The following OLA1 variants were observed in gnomAD, a reference collection of about 807,000 sequenced individuals.
OLA1 encodes the protein Obg like ATPase 1, also known as obg-like ATPase 1.
A neutral mutation model predicts 48.4 loss-of-function variants in OLA1; 14 were observed. The ratio of observed to expected loss-of-function variants is 0.29; its 90% CI spans 0.19 to 0.45. The LOEUF is 0.45. OLA1 is among the 20% of genes least tolerant of loss of function. The pLI is 1.00. For missense variants in OLA1, 325 were observed against 467.1 expected, an observed-to-expected ratio of 0.70 and a Z score of 2.80; for synonymous variants, 127 against 150.4, an observed-to-expected ratio of 0.84 and a Z score of 1.14.
chr2:174,143,102 A>T (rs898256554), intron 4 of OLA1, among the ~76,000 whole-genome samples: 5 of 152,194 alleles, frequency 3.3e-5, no homozygotes, highest in African/African-American at 1.2e-4. Flanking sequence ...TTTTAAATAT[A>T]ATTTCCCAGA....
At chr2:174,105,300 T>C (rs771754214) in intron 7 of OLA1, among the ~76,000 whole-genome samples, 1 of 152,010 alleles carries the variant, frequency 6.6e-6, no homozygotes, top group Non-Finnish European at 1.5e-5. Flanking sequence ...AATCTGGTGA[T>C]GTAAAAACAG....
Position 174,126,255 on chromosome 2 carries a change from T to C in OLA1, c.550-2580A>G, listed in dbSNP as rs1003991736. ...TTGGTTGATTGAATTTATTTCCTTA[T>C]GTTCATATATATAAATACATATATA... On this transcript the variant is annotated intron_variant, in intron 5 of 10. Transcript: ENST00000284719. 2.0e-5 allele frequency among the ~76,000 whole-genome samples: 3 copies of C among 152,220 alleles called. No homozygotes were observed. The East Asian group carries it at 5.8e-4, about 29-fold the overall frequency.
At chr2:174,150,752 A>G (rs1686725955) in intron 4 of OLA1, among the ~76,000 whole-genome samples, 1 of 152,224 alleles carries the variant, frequency 6.6e-6, no homozygotes, top group Non-Finnish European at 1.5e-5. Context: ...ATTAAAATCA[A>G]AAGTCAAAAT....
At chr2:174,242,326 C>T (rs1018285343) in intron 2 of OLA1, among the ~76,000 whole-genome samples, 1 of 152,238 alleles carries the variant, frequency 6.6e-6, no homozygotes, top group African/African-American at 2.4e-5. Flanking sequence ...CTCTTGCATG[C>T]GCAGTTCACA....
intron 7 of OLA1, among the ~76,000 whole-genome samples, chr2:174,102,162 A>G (rs982925427): frequency 2.6e-5 from 4 of 152,140 alleles, no homozygotes; most frequent in Non-Finnish European, 5.9e-5. Flanking sequence ...AGCAACATCA[A>G]TATCACCTGG....
chr2:174,102,129 T>C (rs1574482167), intron 7 of OLA1, among the ~76,000 whole-genome samples: 1 of 152,072 alleles, frequency 6.6e-6, no homozygotes, highest in Non-Finnish European at 1.5e-5. Context: ...GAGCAATCCT[T>C]CTCAAAGTAT....
At chr2:174,206,987 G>C (rs1688128723) in intron 4 of OLA1, among the ~76,000 whole-genome samples, 3 of 152,086 alleles carry the variant, frequency 2.0e-5, no homozygotes, top group Admixed American at 6.6e-5. Context: ...TTTGTGTCTA[G>C]GCAAAAATGT....
At chr2:174,175,245 C>A (rs1260828296) in intron 4 of OLA1, among the ~76,000 whole-genome samples, 4 of 148,420 alleles carry the variant, frequency 2.7e-5, no homozygotes, top group Non-Finnish European at 6.0e-5. Flanking sequence ...AGAAAATCAA[C>A]TGATAAAATG....
intron 4 of OLA1, among the ~76,000 whole-genome samples, chr2:174,198,163 A>G (rs1354240718): frequency 7.9e-5 from 12 of 151,974 alleles, no homozygotes. Context: ...GGGCTTCACC[A>G]TGTTGGCCAG....
intron 7 of OLA1, among the ~76,000 whole-genome samples, chr2:174,096,726 T>C (rs1386832024): frequency 1.3e-5 from 2 of 152,204 alleles, no homozygotes; most frequent in Non-Finnish European, 2.9e-5. Flanking sequence ...TTAAAATCCC[T>C]TGAATATAGG....
chr2:174,074,185 G>A lies in OLA1; in HGVS notation c.*1241C>T, dbSNP rs1684671016. The A allele has an allele frequency of 6.6e-6, 1 of 152,206 alleles. No homozygotes were observed. Among genetic ancestry groups the A allele is most frequent in the Non-Finnish European group, 1.5e-5 (1 of 68,058 alleles). The allele number at this position is 152,206 out of a possible 1,614,324, so 9.4% of individuals were successfully genotyped here. A position where few individuals can be genotyped will look rare whatever the true frequency, so the allele number is the denominator to read the frequency against. Reference sequence around the variant, plus strand: ...CCCAAAGCGATACAGTAGAGGCAAAGGCTGGCTGGGTATGAATCTGCATTC... The same window carrying A: ...CCCAAAGCGATACAGTAGAGGCAAAAGCTGGCTGGGTATGAATCTGCATTC... On this transcript the variant is annotated 3_prime_UTR_variant, in exon 11 of 11. Transcript: ENST00000284719.
At chr2:174,234,132 C>T (rs1688795400) in intron 2 of OLA1, among the ~76,000 whole-genome samples, 2 of 152,134 alleles carry the variant, frequency 1.3e-5, no homozygotes, top group Admixed American at 1.3e-4. Flanking sequence ...TCCTTCTCCT[C>T]CTCAACCCAC....
chr2:174,166,331 CAGTTTCTTAGACAGATTG>C (rs141590422), intron 4 of OLA1, among the ~76,000 whole-genome samples: 20,093 of 152,060 alleles, frequency 0.13, 1,788 homozygotes, highest in Non-Finnish European at 0.2. Context: ...CTCTGAGAAG[CAGTTTCTTAGACAGATTG>C]AGTTTCTTAG....
In OLA1 at chr2:174,074,027, C is replaced by T. The variant is rs1457840760; in HGVS notation, c.*1399G>A. On this transcript the variant is annotated 3_prime_UTR_variant, in exon 11 of 11. Coordinates refer to ENST00000284719, the MANE Select transcript of OLA1 (RefSeq NM_013341.5). The stretch of plus-strand genomic sequence containing the variant: ...CTTCTAAATTATACTCACGACTCAA[C>T]CTCATCCTCTTTAAATATCTTAAGT... The T allele has an allele frequency of 6.6e-6, 1 of 152,192 alleles. No individual in the cohort carries two copies. Among genetic ancestry groups the T allele is most frequent in the African/African-American group, 2.4e-5 (1 of 41,454 alleles). The allele number at this position is 152,192 out of a possible 1,614,324, so 9.4% of individuals were successfully genotyped here.
chr2:174,151,987 C>G (rs1029219400), intron 4 of OLA1, among the ~76,000 whole-genome samples: 1 of 152,162 alleles, frequency 6.6e-6, no homozygotes, highest in Non-Finnish European at 1.5e-5. Context: ...AGCTAAAGCT[C>G]CTTACCATCT....
At chr2:174,112,151 T>C (rs2105359945) in intron 7 of OLA1, among the ~76,000 whole-genome samples, 1 of 152,318 alleles carries the variant, frequency 6.6e-6, no homozygotes, top group South Asian at 2.1e-4. Flanking sequence ...ATATGACACA[T>C]TTCTCAGGCC....
At chr2:174,217,223 T>G (rs957619876) in intron 4 of OLA1, among the ~76,000 whole-genome samples, 1 of 152,100 alleles carries the variant, frequency 6.6e-6, no homozygotes, top group Non-Finnish European at 1.5e-5. Context: ...TCAGGTTTTA[T>G]TTTTCCTTTC....
chr2:174,084,906 A>G (rs1162417432), intron 7 of OLA1, among the ~76,000 whole-genome samples: 1 of 152,246 alleles, frequency 6.6e-6, no homozygotes, highest in Non-Finnish European at 1.5e-5. Context: ...ATATTGTCAA[A>G]GAATATCAAA....
chr2:174,199,579 CA>C (rs1417815633), intron 4 of OLA1, among the ~76,000 whole-genome samples: 2 of 152,102 alleles, frequency 1.3e-5, no homozygotes, highest in Non-Finnish European at 2.9e-5. Context: ...GTGGTGATAT[CA>C]ACAGATTTGA....
Sources: allele counts gnomAD v4.1 joint callset (sites outside exome capture counted in the v4.1 genomes callset), GRCh38; gene constraint gnomAD v4.1.1; transcripts MANE v1.5; gene names NCBI Gene and HGNC (gene_info 2026-07-23, HGNC 2026-07-21).